The following NOLC1 variants were observed in gnomAD, a reference collection of about 807,000 sequenced individuals.
The protein encoded by NOLC1 is nucleolar and coiled-body phosphoprotein 1.
Under a neutral mutation model 73.4 loss-of-function variants are expected in NOLC1, and 37 were observed. The ratio of observed to expected loss-of-function variants is 0.50; its 90% CI spans 0.39 to 0.66. The LOEUF is 0.66. NOLC1 is among the 30% of genes least tolerant of loss of function. The pLI is 0.00. For missense variants in NOLC1, 921 were observed against 838.9 expected, an observed-to-expected ratio of 1.10 and a Z score of -1.21; for synonymous variants, 327 against 302.6, an observed-to-expected ratio of 1.08 and a Z score of -0.84.
chr10:102,161,165 A>C, intron 10 of NOLC1, 72 bp downstream of exon 10: 2 of 1,468,276 alleles, frequency 1.4e-6, no homozygotes, highest in Non-Finnish European at 9.0e-7. Flanking sequence ...CTTTGAGAGT[A>C]GGGTAGTGAG....
chr10:102,159,279 G>A lies in NOLC1; in HGVS notation c.694G>A (p.Glu232Lys), dbSNP rs1179503663. ...SSSSSSDDSE[E>K]EKAAATPKKT... is the part of the protein sequence containing the mutation. Reference sequence around the variant, plus strand: ...CAGCAGTAGCAGTGATGACTCAGAGGAGGAGAAGGCAGCAGCCACCCCCAA... The same window carrying A: ...CAGCAGTAGCAGTGATGACTCAGAGAAGGAGAAGGCAGCAGCCACCCCCAA... Residue 232 changes from glutamate (E) to lysine (K), a missense_variant, in exon 6 of 13, where the codon GAG becomes AAG. Glu to Lys is a moderately conservative substitution (Grantham distance 56). Transcript: ENST00000605788. The A allele has an allele frequency of 6.2e-7, 1 of 1,614,112 alleles. No homozygotes were observed. The highest frequency in any genetic ancestry group is 8.5e-7 in the Non-Finnish European group (1 of 1,180,024).
At position 102,162,381 on chromosome 10, in the gene NOLC1, TTAGAGTAG is replaced by T; in HGVS notation, c.*113_*120del. Reference sequence around the variant, plus strand: ...TGAGGGTCTTGATGAGGACAGAAGTTTAGAGTAGGTCCTAAGACTTTACAGTGTAACAT... The same window carrying T: ...TGAGGGTCTTGATGAGGACAGAAGTTGTCCTAAGACTTTACAGTGTAACAT... On this transcript the variant is annotated 3_prime_UTR_variant, in exon 13 of 13. Coordinates refer to ENST00000605788, the MANE Select transcript of NOLC1 (RefSeq NM_004741.5). The T allele has an allele frequency of 8.8e-7, 1 of 1,133,208 alleles. No individual in the cohort carries two copies. Among genetic ancestry groups the T allele is most frequent in the East Asian group, 2.4e-5 (1 of 42,486 alleles). The allele number at this position is 1,133,208 out of a possible 1,614,324, so 70.2% of individuals were successfully genotyped here. A position where few individuals can be genotyped will look rare whatever the true frequency, so the allele number is the denominator to read the frequency against.
chr10:102,152,874 G>T (rs1327659560), intron 1 of NOLC1, among the ~76,000 whole-genome samples: 1 of 152,224 alleles, frequency 6.6e-6, no homozygotes, highest in African/African-American at 2.4e-5. Context: ...GGCATCTTCT[G>T]GGGGGCTTTT....
Position 102,160,908 on chromosome 10 carries a change from G to A in NOLC1, c.1556G>A (p.Ser519Asn), listed in dbSNP as rs1366644334. ...AKKGKAESSN[S>N]SSSDDSSEEE... ...AAAGGAAAGGCTGAGAGCAGCAACA[G>A]TTCTTCTTCTGATGACTCCAGTGAG... is the stretch of plus-strand genomic sequence containing the variant. Residue 519 changes from serine to asparagine, a missense_variant, in exon 10 of 13, where the codon AGT (serine) becomes AAT (asparagine). Coordinates refer to ENST00000605788, the MANE Select transcript of NOLC1 (RefSeq NM_004741.5). The A allele has an allele frequency of 2.5e-6, 4 of 1,614,210 alleles. No homozygotes were observed. The highest frequency in any genetic ancestry group is 3.3e-5 in the Admixed American group (2 of 60,016).
intron 4 of NOLC1, 96 bp downstream of exon 4, chr10:102,157,651 A>T (rs2069621820): frequency 4.4e-6 from 6 of 1,371,354 alleles, no homozygotes; most frequent in Non-Finnish European, 5.9e-6. Flanking sequence ...TGATGGCGGC[A>T]ATACAATAGG....
At chr10:102,153,491 G>A (rs1414581347) in intron 1 of NOLC1, among the ~76,000 whole-genome samples, 1 of 152,180 alleles carries the variant, frequency 6.6e-6, no homozygotes, top group African/African-American at 2.4e-5. Context: ...TGCACTTTTA[G>A]CAGAATCAGG....
At chr10:102,152,996 G>A (rs1028419869) in intron 1 of NOLC1, among the ~76,000 whole-genome samples, 1 of 152,206 alleles carries the variant, frequency 6.6e-6, no homozygotes, top group African/African-American at 2.4e-5. Flanking sequence ...TTGTAAAGAA[G>A]AAAATGAATG....
At chr10:102,158,293 C>A in intron 5 of NOLC1, 79 bp downstream of exon 5, 1 of 1,312,618 alleles carries the variant, frequency 7.6e-7, no homozygotes, top group Non-Finnish European at 1.1e-6. Flanking sequence ...CGATTTGGCA[C>A]AGGGGTGAAA....
At position 102,157,285 on chromosome 10, in the gene NOLC1, CGAGGAG is replaced by C. The variant is rs770615112; in HGVS notation, c.282_287del (p.Glu95_Glu96del). 6.2e-7 allele frequency: 1 copy of C among 1,613,962 alleles called. No individual in the cohort carries two copies. Among genetic ancestry groups the C allele is most frequent in the South Asian group, 1.1e-5 (1 of 91,052 alleles). ...CATCCAGTGACAGTGAGGACAGCAG[CGAGGAG>C]GAGGAGGAAGTTCAAGGGCCTCCAG... On this transcript the variant is annotated inframe_deletion, in exon 3 of 13. Transcript: ENST00000605788.
In NOLC1 at chr10:102,157,037, G is replaced by T. The variant is rs1444187379; in HGVS notation, c.139G>T (p.Ala47Ser). 4 of 1,614,156 alleles carry T rather than the reference G, an allele frequency of 2.5e-6. No individual in the cohort carries two copies. The South Asian group carries it at 3.3e-5, about 13-fold the overall frequency. The change falls in exon 2 of 13, where the codon GCC (alanine) becomes TCC (serine). Residue 47 changes from alanine to serine, a missense_variant. Physicochemically the swap from Ala to Ser is moderately conservative, Grantham distance 99. Coordinates refer to ENST00000605788, the MANE Select transcript of NOLC1 (RefSeq NM_004741.5). ...TCTACAGACACAGCAGGATGCCAAT[G>T]CCTCTTCCCTCTTAGACATCTATAG... ...ATGATQQDAN[A>S]SSLLDIYSFW...
At position 102,161,927 on chromosome 10, in the gene NOLC1, T is replaced by C. The variant is rs1554928175; in HGVS notation, c.1941+2T>C. 1.2e-6 allele frequency: 2 copies of C among 1,613,692 alleles called. No individual in the cohort carries two copies. Among genetic ancestry groups the C allele is most frequent in the East Asian group, 2.2e-5 (1 of 44,864 alleles). On this transcript the variant is annotated splice_donor_variant, in intron 12 of 12. Coordinates refer to ENST00000605788, the MANE Select transcript of NOLC1 (RefSeq NM_004741.5). LOFTEE classifies it high-confidence loss of function. ...GCGGACAACTCCTTTGATGCCAAGG[T>C]GAGAGAGAGATCTGTGCCATTCTTG...
In NOLC1 at chr10:102,161,081, G is replaced by C. The variant is rs113775074; in HGVS notation, c.1729G>C (p.Val577Leu). The C allele has an allele frequency of 6.2e-7, 1 of 1,607,910 alleles. No individual in the cohort carries two copies. Among genetic ancestry groups the C allele is most frequent in the Non-Finnish European group, 8.5e-7 (1 of 1,179,008 alleles). Reference sequence around the variant, plus strand: ...AGAAAAGAAAAAGGCGGCAGTGGTAGTTTCCAAATCAGGTCTGTACCCAAT... The same window carrying C: ...AGAAAAGAAAAAGGCGGCAGTGGTACTTTCCAAATCAGGTCTGTACCCAAT... ...EEEKKKAAVV[V>L]SKSGSLKKRK... Residue 577 changes from valine (V) to leucine (L), a missense_variant, in exon 10 of 13, where the codon GTT becomes CTT. Coordinates refer to ENST00000605788, the MANE Select transcript of NOLC1 (RefSeq NM_004741.5).
intron 1 of NOLC1, among the ~76,000 whole-genome samples, chr10:102,155,517 A>ATTTT (rs147766613): frequency 7.5e-6 from 1 of 133,958 alleles, no homozygotes; most frequent in Non-Finnish European, 1.6e-5. Flanking sequence ...GCCTGAATGC[A>ATTTT]TTTTTTTTTT....
At chr10:102,158,238 C>T in intron 5 of NOLC1, 24 bp downstream of exon 5, 1 of 1,609,890 alleles carries the variant, frequency 6.2e-7, no homozygotes, top group Non-Finnish European at 8.5e-7. Context: ...TCCCAAGAGG[C>T]TGGGCTGGGG....
chr10:102,161,169 T>C, intron 10 of NOLC1, 76 bp downstream of exon 10: 1 of 1,440,930 alleles, frequency 6.9e-7, no homozygotes, highest in African/African-American at 1.4e-5. Context: ...GAGAGTAGGG[T>C]AGTGAGAGGA....
At chr10:102,158,590 TTTTC>T (rs1374889484) in intron 5 of NOLC1, among the ~76,000 whole-genome samples, 1 of 152,244 alleles carries the variant, frequency 6.6e-6, no homozygotes, top group Non-Finnish European at 1.5e-5. Flanking sequence ...AAATGAGAAT[TTTTC>T]TTTTTTTCTG....
At chr10:102,159,814 T>TCAAG in intron 7 of NOLC1, 82 bp from the exon 8 acceptor site, 2 of 1,372,198 alleles carry the variant, frequency 1.5e-6, no homozygotes, top group Non-Finnish European at 1.9e-6. Context: ...GAAGGGGAAT[T>TCAAG]AAGCTTCATT....
chr10:102,160,732 G>C lies in NOLC1; in HGVS notation c.1380G>C (p.Lys460Asn). The C allele has an allele frequency of 6.2e-7, 1 of 1,614,128 alleles. No individual in the cohort carries two copies. Residue 460 changes from lysine (K) to asparagine (N), a missense_variant, in exon 10 of 13, where the codon AAG becomes AAC. Transcript: ENST00000605788. ...AAGCAGCTCTATCTCTGCCTGCCAA[G>C]CAGGCTCCTCAGGGTAGTAGGGACA... ...TAKAALSLPA[K>N]QAPQGSRDSS...
chr10:102,161,048 G>A lies in NOLC1; in HGVS notation c.1696G>A (p.Glu566Lys). 1 of 1,611,648 alleles carries A rather than the reference G, an allele frequency of 6.2e-7. No homozygotes were observed. Among genetic ancestry groups the A allele is most frequent in the East Asian group, 2.2e-5 (1 of 44,884 alleles). Residue 566 changes from glutamate (E) to lysine (K), a missense_variant, in exon 10 of 13, where the codon GAG (glutamate) becomes AAG (lysine). Glu to Lys is a moderately conservative substitution (Grantham distance 56). Coordinates refer to ENST00000605788, the MANE Select transcript of NOLC1 (RefSeq NM_004741.5). ...AAAAGCAGCTAAGAACAGTGAGGAG[G>A]AGGAAGAAGAAAAGAAAAAGGCGGC... ...NGKAAKNSEE[E>K]EEEKKKAAVV...
Sources: gnomAD v4.1 joint callset for allele counts (sites outside exome capture counted in the v4.1 genomes callset) on GRCh38, gnomAD v4.1.1 for gene constraint, MANE v1.5 for transcripts, NCBI Gene and HGNC (gene_info 2026-07-23, HGNC 2026-07-21) for gene names.